Variants in WHRN observed in about 807,000 individuals in gnomAD.
WHRN encodes the protein CASK-interacting protein CIP98.
In WHRN, 41 loss-of-function variants were observed where a neutral mutation model predicts 68.3. That is an observed-to-expected ratio of 0.60 (90% CI 0.47 to 0.78). The LOEUF (loss-of-function observed/expected upper bound fraction) is 0.78. Among genes scored for constraint, WHRN ranks in the 30% least tolerant of loss-of-function variants. The pLI is 0.00. For synonymous variants in WHRN, 560 were observed against 561.3 expected, an observed-to-expected ratio of 1.00 and a Z score of 0.03; for missense variants, 1,243 against 1,244.7, an observed-to-expected ratio of 1.00 and a Z score of 0.02.
At position 114,424,480 on chromosome 9, in the gene WHRN, C is replaced by A. The variant is rs759854771; in HGVS notation, c.1270G>T (p.Val424Leu). 3.1e-6 allele frequency: 5 copies of A among 1,614,040 alleles called. No individual in the cohort carries two copies. In the East Asian group the frequency reaches 1.1e-4, roughly 36 times the overall value. ...TGCCGAGCCTGCTCCTCCAGCAGCACTCGTGTCTGGTTCCCCAGGCTGCTC... is the reference window on the plus strand; with the variant it reads ...TGCCGAGCCTGCTCCTCCAGCAGCAATCGTGTCTGGTTCCCCAGGCTGCTC... The part of the protein sequence containing the change: ...TLSSLGNQTR[V>L]LLEEQARHLL... Residue 424 changes from valine to leucine, a missense_variant, in exon 6 of 12, where the codon GTG (valine) becomes TTG (leucine). Physicochemically the swap from Val to Leu is conservative, Grantham distance 32. Coordinates refer to ENST00000362057, the MANE Select transcript of WHRN (RefSeq NM_015404.4).
At chr9:114,470,872 A>G (rs527493157) in intron 2 of WHRN, among the ~76,000 whole-genome samples, 24 of 141,670 alleles carry the variant, frequency 1.7e-4, no homozygotes, top group African/African-American at 5.2e-4. Context: ...CCCAGCAGGG[A>G]GAGAGCCAAG....
intron 3 of WHRN, among the ~76,000 whole-genome samples, chr9:114,464,685 C>T (rs1174838620): frequency 6.6e-6 from 1 of 152,048 alleles, no homozygotes; most frequent in Non-Finnish European, 1.5e-5. Context: ...TGCAATAACC[C>T]TGAGAAAGGA....
intron 3 of WHRN, among the ~76,000 whole-genome samples, chr9:114,443,388 A>G (rs1389577448): frequency 6.6e-6 from 1 of 152,194 alleles, no homozygotes; most frequent in Non-Finnish European, 1.5e-5. Flanking sequence ...GGACAATCCA[A>G]TTCCTTGCCC....
intron 7 of WHRN, among the ~76,000 whole-genome samples, chr9:114,416,443 G>A (rs1489349370): frequency 6.6e-6 from 1 of 152,190 alleles, no homozygotes; most frequent in Non-Finnish European, 1.5e-5. Flanking sequence ...GGAGGTGATC[G>A]GATCATGCGA....
intron 3 of WHRN, among the ~76,000 whole-genome samples, chr9:114,456,665 T>TA (rs1401112392): frequency 6.6e-6 from 1 of 151,918 alleles, no homozygotes; most frequent in African/African-American, 2.4e-5. Flanking sequence ...CAGTCTTTAC[T>TA]AAAAATAGAA....
chr9:114,475,852 C>A (rs1271843249), intron 2 of WHRN, among the ~76,000 whole-genome samples: 1 of 152,140 alleles, frequency 6.6e-6, no homozygotes, highest in Non-Finnish European at 1.5e-5. Context: ...GTAGATGCGC[C>A]AGTCTGGGGC....
chr9:114,445,064 C>T (rs777719772), intron 3 of WHRN, among the ~76,000 whole-genome samples: 1 of 150,848 alleles, frequency 6.6e-6, no homozygotes, highest in Non-Finnish European at 1.5e-5. Flanking sequence ...TATTATTAGA[C>T]AGAGTCTCAC....
intron 3 of WHRN, among the ~76,000 whole-genome samples, chr9:114,457,658 G>A (rs1282872342): frequency 6.6e-6 from 1 of 152,146 alleles, no homozygotes; most frequent in Admixed American, 6.5e-5. Flanking sequence ...GCTCACGCCT[G>A]TAATCCCAAC....
intron 3 of WHRN, among the ~76,000 whole-genome samples, chr9:114,445,905 A>C (rs1838781675): frequency 6.6e-6 from 1 of 152,192 alleles, no homozygotes; most frequent in South Asian, 2.1e-4. Context: ...CCTGACTTCA[A>C]GGGAATGGTT....
intron 7 of WHRN, among the ~76,000 whole-genome samples, chr9:114,411,206 C>T (rs554993902): frequency 5.9e-5 from 9 of 152,324 alleles, no homozygotes; most frequent in South Asian, 2.1e-4. Context: ...TCTCACACCA[C>T]CTCCCTCCTC....
chr9:114,496,055 T>C (rs1187325788), intron 1 of WHRN, among the ~76,000 whole-genome samples: 2 of 152,150 alleles, frequency 1.3e-5, no homozygotes, highest in Non-Finnish European at 2.9e-5. Flanking sequence ...GTTTTTTTTT[T>C]AAGTGCAGAA....
Position 114,504,251 on chromosome 9 carries a change from A to AC in WHRN, c.550dup (p.Val184GlyfsTer81). 1 of 1,614,056 alleles carries AC rather than the reference A, an allele frequency of 6.2e-7. No homozygotes were observed. The highest frequency in any genetic ancestry group is 8.5e-7 in the Non-Finnish European group (1 of 1,180,024). ...GTTGACGCGCAGAATCTGGTCCCCG[A>AC]CCCGCAGTCCTTCCTTCTCAGCTAG... On this transcript the variant is annotated frameshift_variant, in exon 1 of 12. Coordinates refer to ENST00000362057, the MANE Select transcript of WHRN (RefSeq NM_015404.4). LOFTEE classifies it high-confidence loss of function.
intron 2 of WHRN, among the ~76,000 whole-genome samples, chr9:114,469,841 C>T (rs762471575): frequency 7.2e-5 from 11 of 152,240 alleles, no homozygotes; most frequent in African/African-American, 1.2e-4. Flanking sequence ...CTAGAGGCTC[C>T]AGAGGAGAAC....
chr9:114,439,284 C>T (rs1838164678), intron 3 of WHRN, among the ~76,000 whole-genome samples: 1 of 152,078 alleles, frequency 6.6e-6, no homozygotes, highest in Admixed American at 6.5e-5. Context: ...ACAAATGAAC[C>T]TTGTTCATAT....
At chr9:114,478,828 A>G (rs1201424995) in intron 1 of WHRN, 57 bp from the exon 2 acceptor site, 1 of 1,532,376 alleles carries the variant, frequency 6.5e-7, no homozygotes, top group African/African-American at 1.4e-5. Flanking sequence ...GTGTGGAGGA[A>G]CACCCTCCCC....
chr9:114,503,432 C>T (rs2133461171), intron 1 of WHRN: 1 of 152,608 alleles, frequency 6.6e-6, no homozygotes, highest in East Asian at 1.9e-4. Flanking sequence ...TTCAGTAGCC[C>T]TGGGCTGTAG....
intron 7 of WHRN, among the ~76,000 whole-genome samples, chr9:114,414,739 G>C (rs1193867806): frequency 6.6e-6 from 1 of 152,242 alleles, no homozygotes; most frequent in Non-Finnish European, 1.5e-5. Flanking sequence ...GCTGTGGCCG[G>C]CCTGAGAGGC....
At chr9:114,498,513 G>T (rs960887121) in intron 1 of WHRN, among the ~76,000 whole-genome samples, 5 of 152,144 alleles carry the variant, frequency 3.3e-5, no homozygotes, top group African/African-American at 1.2e-4. Context: ...CCTGTGTGTG[G>T]TAAGCACTGC....
chr9:114,403,001 A>G, intron 11 of WHRN, 65 bp from the exon 12 acceptor site: 1 of 1,562,790 alleles, frequency 6.4e-7, no homozygotes. Context: ...TTGACCACCA[A>G]CTGGGTCAGT....
Sources: gnomAD v4.1 joint callset for allele counts (sites outside exome capture counted in the v4.1 genomes callset) on GRCh38, gnomAD v4.1.1 for gene constraint, MANE v1.5 for transcripts, NCBI Gene and HGNC (gene_info 2026-07-23, HGNC 2026-07-21) for gene names.